SEC61A2: variants seen among roughly 807,000 people sequenced by gnomAD.
SEC61A2 encodes SEC61 translocon subunit alpha 2.
In SEC61A2, 28 loss-of-function variants were observed where a neutral mutation model predicts 59.9. The ratio of observed to expected loss-of-function variants is 0.47; its 90% CI spans 0.35 to 0.64. SEC61A2 has a LOEUF of 0.64. Among genes scored for constraint, SEC61A2 ranks in the 30% least tolerant of loss-of-function variants. The pLI, the probability that SEC61A2 is intolerant of heterozygous loss-of-function variation, is 0.01. For synonymous variants in SEC61A2, 202 were observed against 214.4 expected (o/e 0.94, Z 0.50); for missense variants, 340 against 585.9 (o/e 0.58, Z 4.33).
chr10:12,167,853 G>C, downstream of SEC61A2: 1 of 1,610,032 alleles, frequency 6.2e-7, no homozygotes, highest in Non-Finnish European at 8.5e-7. Flanking sequence ...TGCCGTTAAG[G>C]AAGGACAAAA....
Position 12,158,015 on chromosome 10 carries a change from G to A in SEC61A2, c.885G>A (p.Ser295=), listed in dbSNP as rs758168976. ...CCAACATCCCCATCATCCTCCAGTC[G>A]GCCCTGGTGTCCAACCTGTATGTTA... The part of the protein sequence containing the change: ...YTSNIPIILQ[S]ALVSNLYVIS... The change falls in exon 9 of 12, where the codon TCG becomes TCA. Residue 295 remains serine, a synonymous_variant. Coordinates refer to ENST00000298428, the MANE Select transcript of SEC61A2 (RefSeq NM_018144.4). The surrounding 1 kb of genome is among the most constrained non-coding windows in gnomAD (Gnocchi z 5.7). 1.2e-5 allele frequency: 19 copies of A among 1,613,888 alleles called. No individual in the cohort carries two copies. The highest frequency in any genetic ancestry group is 2.2e-5 in the East Asian group (1 of 44,886).
intron 3 of SEC61A2, among the ~76,000 whole-genome samples, chr10:12,139,408 G>C (rs1833958429): frequency 6.6e-6 from 1 of 151,924 alleles, no homozygotes; most frequent in South Asian, 2.1e-4. Flanking sequence ...CCAGCACTTT[G>C]GGAGGCTGAG....
At chr10:12,169,642 GT>G, downstream of SEC61A2, 1 of 253,248 alleles carries the variant, frequency 3.9e-6, no homozygotes, top group Non-Finnish European at 7.5e-6. This position sits in a 1 kb window ranked among gnomAD's most constrained non-coding sequence, Gnocchi z 4.8. Context: ...CTTAGGTCTA[GT>G]TTTTGGAAAG....
chr10:12,157,937 G>A lies in SEC61A2; in HGVS notation c.807G>A (p.Ser269=), dbSNP rs150189774. The A allele has an allele frequency of 2.4e-5, 38 of 1,613,794 alleles. No homozygotes were observed. In the African/African-American group the frequency reaches 3.5e-4, roughly 15 times the overall value. Residue 269 remains serine (S), a synonymous_variant, in exon 9 of 12, where the codon TCG becomes TCA. Coordinates refer to ENST00000298428, the MANE Select transcript of SEC61A2 (RefSeq NM_018144.4). The part of the protein sequence containing the change: ...QGFRVDLPIK[S]ARYRGQYSSY... ...TTCGCGTTGATCTGCCCATTAAGTC[G>A]GCCCGTTACCGAGGACAGTACAGCA... is the stretch of plus-strand genomic sequence containing the variant.
At chr10:12,141,449 C>G (rs1350738154) in intron 3 of SEC61A2, among the ~76,000 whole-genome samples, 2 of 152,124 alleles carry the variant, frequency 1.3e-5, no homozygotes, top group African/African-American at 4.8e-5. Context: ...GGGGTTAAGG[C>G]CAAGTGCTGT....
Position 12,157,109 on chromosome 10 carries a change from T to C in SEC61A2, c.777+42T>C, listed in dbSNP as rs550855106. The C allele has an allele frequency of 6.3e-6, 10 of 1,575,618 alleles. No individual in the cohort carries two copies. The African/African-American group carries it at 1.4e-4, about 21-fold the overall frequency. On this transcript the variant is annotated intron_variant, in intron 8 of 11. Coordinates refer to ENST00000298428, the MANE Select transcript of SEC61A2 (RefSeq NM_018144.4). ...CACCAAAGTAAGTGGGATGTAGATT[T>C]TTATTTTGCTCTTAAAGAGAATGCC...
chr10:12,139,955 C>T (rs1343086921), intron 3 of SEC61A2, among the ~76,000 whole-genome samples: 131 of 140,556 alleles, frequency 9.3e-4, no homozygotes, highest in Non-Finnish European at 1.1e-3. Flanking sequence ...GGCGACAGAG[C>T]GAGACTCCAT....
chr10:12,130,581 C>A (rs909667289), intron 1 of SEC61A2, among the ~76,000 whole-genome samples: 1 of 152,070 alleles, frequency 6.6e-6, no homozygotes, highest in East Asian at 1.9e-4. Flanking sequence ...ACATGAATAC[C>A]CCTTACAGAT....
At chr10:12,148,833 A>G (rs1253939036) in intron 4 of SEC61A2, among the ~76,000 whole-genome samples, 1 of 152,002 alleles carries the variant, frequency 6.6e-6, no homozygotes, top group Non-Finnish European at 1.5e-5. Flanking sequence ...CAATAAATCT[A>G]TCTAATGTCT....
rs527914308 is a variant in SEC61A2 at position 12,154,394 on chromosome 10, C to T, written c.463-1384C>T. On this transcript the variant is annotated intron_variant, in intron 6 of 11. Coordinates refer to ENST00000298428, the MANE Select transcript of SEC61A2 (RefSeq NM_018144.4). The surrounding 1 kb of genome is among the most constrained non-coding windows in gnomAD (Gnocchi z 5.2). ...GAGTTGTTTCAGAGCTGCTGTGGGA[C>T]TCTGGAGAGGTCATTTCTCAAGGCC... Among the ~76,000 whole-genome samples the T allele has an allele frequency of 2.0e-5, 3 of 152,112 alleles. No individual in the cohort carries two copies. Among genetic ancestry groups the T allele is most frequent in the Admixed American group, 2.0e-4 (3 of 15,260 alleles).
chr10:12,152,065 G>GT lies in SEC61A2; in HGVS notation c.462+2108dup, dbSNP rs1184887723. 6.6e-6 allele frequency among the ~76,000 whole-genome samples: 1 copy of GT among 152,120 alleles called. No homozygotes were observed. The highest frequency in any genetic ancestry group is 1.9e-4 in the East Asian group (1 of 5,198). ...ATGACTTTTCTAATGAGATGGAACT[G>GT]TTTTGTCATTTGACCAGGGCAGGAA... On this transcript the variant is annotated intron_variant, in intron 6 of 11. Coordinates refer to ENST00000298428, the MANE Select transcript of SEC61A2 (RefSeq NM_018144.4). This position sits in a 1 kb window ranked among gnomAD's most constrained non-coding sequence, Gnocchi z 5.5.
At chr10:12,131,944 T>A (rs75127055) in intron 1 of SEC61A2, among the ~76,000 whole-genome samples, 2,988 of 3,048 alleles carry the variant, frequency 0.98, 1,469 homozygotes, top group Middle Eastern at 1. Context: ...TGATCCGCCT[T>A]TCTCGGCCTC....
At chr10:12,148,846 A>C (rs914170314) in intron 4 of SEC61A2, among the ~76,000 whole-genome samples, 1 of 152,122 alleles carries the variant, frequency 6.6e-6, no homozygotes, top group Non-Finnish European at 1.5e-5. Context: ...TAATGTCTTA[A>C]ACACTAAAAC....
At chr10:12,148,664 C>T (rs373606104) in intron 4 of SEC61A2, among the ~76,000 whole-genome samples, 2 of 151,784 alleles carry the variant, frequency 1.3e-5, no homozygotes, top group Non-Finnish European at 2.9e-5. Flanking sequence ...CTCAGCCTCC[C>T]GAGTAGCTGG....
intron 2 of SEC61A2, among the ~76,000 whole-genome samples, chr10:12,135,629 C>T (rs964388668): frequency 9.9e-5 from 15 of 152,262 alleles, no homozygotes; most frequent in Non-Finnish European, 1.6e-4. Context: ...CTGTACCCTT[C>T]GGAGACTCCA....
In SEC61A2 at chr10:12,162,245, A is replaced by G; in HGVS notation, c.1200A>G (p.Val400=). 1.2e-6 allele frequency: 2 copies of G among 1,613,922 alleles called. No individual in the cohort carries two copies. Among genetic ancestry groups the G allele is most frequent in the Non-Finnish European group, 1.7e-6 (2 of 1,179,908 alleles). Residue 400 remains valine, a synonymous_variant, in exon 11 of 12, where the codon GTA becomes GTG. Coordinates refer to ENST00000298428, the MANE Select transcript of SEC61A2 (RefSeq NM_018144.4). The surrounding 1 kb of genome is among the most constrained non-coding windows in gnomAD (Gnocchi z 6.1). The part of the protein sequence containing the change: ...VAKQLKEQQM[V]MRGHRDTSMV... ...AACAGCTGAAAGAACAGCAGATGGT[A>G]ATGAGGGGCCACCGAGATACCTCTA...
rs1564411636 is a variant in SEC61A2, at chr10:12,148,262, T to TA, written c.221-1331dup. Among the ~76,000 whole-genome samples, 17 of 117,002 alleles carry TA rather than the reference T, an allele frequency of 1.5e-4. 2 individuals carry two copies. Among genetic ancestry groups the TA allele is most frequent in the Admixed American group, 2.8e-4 (3 of 10,572 alleles). 76.8% of individuals were successfully genotyped at this position (117,002 alleles called of 152,430 possible). ...CCATTTTTTTTTTTTTTTTTTTTTT[T>TA]AAGACAGAATTTCGCTCTTGTTGCC... is the stretch of plus-strand genomic sequence containing the variant. On this transcript the variant is annotated intron_variant, in intron 4 of 11. Transcript: ENST00000298428.
rs571380536 is a variant in SEC61A2 at position 12,160,529 on chromosome 10, G to A, written c.976-401G>A. ...TCTTATGTCAGTATTTTAGTTGATT[G>A]CATTAATATTTTCATATGGAAGGAT... On this transcript the variant is annotated intron_variant, in intron 9 of 11. Coordinates refer to ENST00000298428, the MANE Select transcript of SEC61A2 (RefSeq NM_018144.4). The surrounding 1 kb of genome is among the most constrained non-coding windows in gnomAD (Gnocchi z 4.1). 6.6e-6 allele frequency among the ~76,000 whole-genome samples: 1 copy of A among 152,128 alleles called. No homozygotes were observed. Among genetic ancestry groups the A allele is most frequent in the African/African-American group, 2.4e-5 (1 of 41,418 alleles).
downstream of SEC61A2, chr10:12,169,557 G>T: frequency 2.3e-6 from 1 of 442,828 alleles, no homozygotes; most frequent in South Asian, 3.6e-5. The surrounding 1 kb of genome is among the most constrained non-coding windows in gnomAD (Gnocchi z 4.8). Context: ...CTCCAAATAC[G>T]CACCAGATAA....
Sources: gnomAD v4.1 joint callset for allele counts (sites outside exome capture counted in the v4.1 genomes callset) on GRCh38, gnomAD v4.1.1 for gene constraint, Gnocchi (gnomAD v3.1) non-coding constraint, MANE v1.5 for transcripts, NCBI Gene and HGNC (gene_info 2026-07-23, HGNC 2026-07-21) for gene names.